GRIP1: variants seen among roughly 807,000 people sequenced by gnomAD.
The protein encoded by GRIP1 is glutamate receptor-interacting protein 1.
In GRIP1, 45 loss-of-function variants were observed where a neutral mutation model predicts 129.9. The observed-to-expected ratio is 0.35, with a 90% CI of 0.27 to 0.44. The LOEUF is 0.44. GRIP1 is among the 20% of genes least tolerant of loss of function. GRIP1 has a pLI of 1.00. For synonymous variants in GRIP1, 530 were observed against 520.8 expected, an observed-to-expected ratio of 1.02 and a Z score of -0.24; for missense variants, 1,196 against 1,396.8, an observed-to-expected ratio of 0.86 and a Z score of 2.29.
At chr12:66,896,480 G>T (rs1394316227) in intron 1 of GRIP1, among the ~76,000 whole-genome samples, 1 of 107,874 alleles carries the variant, frequency 9.3e-6, no homozygotes. Flanking sequence ...TGAGGAATTT[G>T]AAAAAAAAAA....
At chr12:66,598,149 G>C (rs1442516726) in intron 1 of GRIP1, among the ~76,000 whole-genome samples, 6 of 152,156 alleles carry the variant, frequency 3.9e-5, no homozygotes, top group Non-Finnish European at 8.8e-5. Context: ...CTTATCATCT[G>C]AGAATATTAA....
At chr12:66,424,261 A>G (rs1226737661) in intron 14 of GRIP1, among the ~76,000 whole-genome samples, 2 of 152,218 alleles carry the variant, frequency 1.3e-5, no homozygotes, top group Admixed American at 6.5e-5. Flanking sequence ...ATAGATATAC[A>G]TTCTTGGTAC....
chr12:66,406,449 A>T, intron 15 of GRIP1, 21 bp from the exon 16 acceptor site: 1 of 1,612,566 alleles, frequency 6.2e-7, no homozygotes, highest in Middle Eastern at 1.7e-4. Flanking sequence ...ATGCAAAGTA[A>T]CACATGACTA....
intron 3 of GRIP1, among the ~76,000 whole-genome samples, chr12:66,540,649 T>C (rs2061747363): frequency 6.6e-6 from 1 of 152,234 alleles, no homozygotes; most frequent in South Asian, 2.1e-4. Flanking sequence ...AGGTTGATCA[T>C]TAAAATTAAT....
At chr12:66,531,379 A>T (rs1565834090) in intron 4 of GRIP1, among the ~76,000 whole-genome samples, 1 of 150,722 alleles carries the variant, frequency 6.6e-6, no homozygotes, top group Non-Finnish European at 1.5e-5. Flanking sequence ...TTGTTTAAAA[A>T]AACTTTTCTT....
chr12:66,654,592 C>G (rs1168409247), intron 1 of GRIP1, among the ~76,000 whole-genome samples: 1 of 151,898 alleles, frequency 6.6e-6, no homozygotes, highest in South Asian at 2.1e-4. Context: ...TATGTAAATA[C>G]CAGGAAGAGA....
intron 1 of GRIP1, among the ~76,000 whole-genome samples, chr12:66,910,415 C>T (rs987421371): frequency 3.3e-5 from 5 of 152,234 alleles, no homozygotes; most frequent in South Asian, 4.1e-4. Flanking sequence ...CTGGTTCACC[C>T]GTAATCAGGG....
chr12:66,689,353 G>C (rs1360019560), intron 1 of GRIP1, among the ~76,000 whole-genome samples: 1 of 152,290 alleles, frequency 6.6e-6, no homozygotes, highest in East Asian at 1.9e-4. Context: ...GAAGGTCAGG[G>C]GAACCTGGGT....
chr12:66,657,201 T>A (rs73327009), intron 1 of GRIP1, among the ~76,000 whole-genome samples: 5 of 152,166 alleles, frequency 3.3e-5, no homozygotes, highest in African/African-American at 1.2e-4. Flanking sequence ...AATTTATCAA[T>A]CAAGGATACT....
upstream of GRIP1, among the ~76,000 whole-genome samples, chr12:66,808,148 G>A (rs1032185767): frequency 2.0e-5 from 3 of 151,964 alleles, no homozygotes; most frequent in Non-Finnish European, 2.9e-5. Context: ...TCCAGTAAGA[G>A]GTGCTATTTA....
At chr12:66,952,393 T>C (rs2041772081) in intron 1 of GRIP1, among the ~76,000 whole-genome samples, 3 of 152,346 alleles carry the variant, frequency 2.0e-5, no homozygotes, top group East Asian at 1.9e-4. Flanking sequence ...AAATAGATTA[T>C]GTCATTAAAG....
chr12:66,721,162 G>C (rs1474880290), intron 1 of GRIP1, among the ~76,000 whole-genome samples: 1 of 152,158 alleles, frequency 6.6e-6, no homozygotes, highest in East Asian at 1.9e-4. Flanking sequence ...ACGGTACATT[G>C]TCAATGAACA....
In GRIP1 at chr12:66,849,920, T is replaced by C. The variant is rs186745922; in HGVS notation, c.58+219130A>G. On this transcript the variant is annotated intron_variant, in intron 1 of 1. Coordinates refer to the GRIP1 transcript ENST00000643019. ...GAGCCCAGTTCAATTTCTGGCTCTG[T>C]CGGTCTGCAGCTGGAGAGCTCCAAC... Among the ~76,000 whole-genome samples, 271 of 152,316 alleles carry C rather than the reference T, an allele frequency of 1.8e-3. 2 individuals are homozygous for C. The highest frequency in any genetic ancestry group is 5.4e-3 in the African/African-American group (223 of 41,578).
At chr12:67,017,830 G>C (rs1324885660) in intron 1 of GRIP1, among the ~76,000 whole-genome samples, 1 of 152,234 alleles carries the variant, frequency 6.6e-6, no homozygotes, top group Admixed American at 6.5e-5. Flanking sequence ...TATATGAACA[G>C]AGAAGCCATT....
chr12:66,565,404 T>A (rs988863937), intron 2 of GRIP1, among the ~76,000 whole-genome samples: 1 of 152,228 alleles, frequency 6.6e-6, no homozygotes. Flanking sequence ...TTCTTGTTTT[T>A]GTCAGGTTTG....
At chr12:66,765,916 ATAGGATGTCCTTAGT>A (rs2037621169) in intron 1 of GRIP1, among the ~76,000 whole-genome samples, 2 of 152,194 alleles carry the variant, frequency 1.3e-5, no homozygotes, top group African/African-American at 4.8e-5. Context: ...GACTGCAGAC[ATAGGATGTCCTTAGT>A]TAAATAGTGT....
intron 1 of GRIP1, among the ~76,000 whole-genome samples, chr12:67,010,811 C>T (rs954948823): frequency 4.6e-5 from 7 of 152,034 alleles, no homozygotes; most frequent in African/African-American, 1.7e-4. Context: ...TCCTGAAACA[C>T]TGTCTCCCCC....
At chr12:66,570,692 T>C (rs1292930131) in intron 2 of GRIP1, among the ~76,000 whole-genome samples, 1 of 152,184 alleles carries the variant, frequency 6.6e-6, no homozygotes, top group East Asian at 1.9e-4. Flanking sequence ...TCCAAAGTCT[T>C]GGGAGGCATC....
Position 66,679,026 on chromosome 12 carries a change from G to T in GRIP1, c.-122C>A. 1 of 1,566,432 alleles carries T rather than the reference G, an allele frequency of 6.4e-7. No individual in the cohort carries two copies. Among genetic ancestry groups the T allele is most frequent in the South Asian group, 1.2e-5 (1 of 86,168 alleles). On this transcript the variant is annotated 5_prime_UTR_variant, in exon 1 of 25. Coordinates refer to ENST00000359742, the MANE Select transcript of GRIP1 (RefSeq NM_001366722.1). ...GAGAAAGGTAGTCCCAGTGGGGAGT[G>T]ACAAAGCTTAATTCCTCTTGGCTGA...
Sources: allele counts gnomAD v4.1 joint callset (sites outside exome capture counted in the v4.1 genomes callset), GRCh38; gene constraint gnomAD v4.1.1; transcripts MANE v1.5; gene names NCBI Gene and HGNC (gene_info 2026-07-23, HGNC 2026-07-21).